The following HMCN1 variants were observed in gnomAD, a reference collection of about 807,000 sequenced individuals.
HMCN1 encodes the protein hemicentin-1.
A neutral mutation model predicts 625.9 loss-of-function variants in HMCN1; 321 were observed. The ratio of observed to expected loss-of-function variants is 0.51; its 90% CI spans 0.47 to 0.56. The LOEUF (loss-of-function observed/expected upper bound fraction) is 0.56, where lower values mean the gene tolerates loss of function less well. HMCN1 is among the 20% of genes least tolerant of loss of function. The pLI is 0.00. For missense variants in HMCN1, 6,588 were observed against 6,887.3 expected, an observed-to-expected ratio of 0.96 and a Z score of 1.54; for synonymous variants, 2,425 against 2,417.6, an observed-to-expected ratio of 1.00 and a Z score of -0.09.
chr1:186,122,166 C>T (rs1335212098), intron 80 of HMCN1, among the ~76,000 whole-genome samples: 2 of 152,182 alleles, frequency 1.3e-5, no homozygotes, highest in African/African-American at 4.8e-5. Flanking sequence ...GAGATAATTG[C>T]TTCCTCAGAG....
intron 36 of HMCN1, among the ~76,000 whole-genome samples, chr1:186,028,856 C>G (rs1655232362): frequency 6.6e-6 from 1 of 151,776 alleles, no homozygotes; most frequent in Admixed American, 6.6e-5. Flanking sequence ...TCCTGAGTAG[C>G]TGGGGTTACA....
chr1:186,129,931 T>C (rs1311475117), intron 83 of HMCN1, 35 bp from the exon 84 acceptor site: 1 of 1,611,664 alleles, frequency 6.2e-7, no homozygotes, highest in Non-Finnish European at 8.5e-7. Context: ...CCTAGGTTAC[T>C]GAGAGGCACT....
intron 4 of HMCN1, among the ~76,000 whole-genome samples, chr1:185,867,295 T>C (rs539626414): frequency 2.0e-5 from 3 of 152,266 alleles, no homozygotes; most frequent in African/African-American, 7.2e-5. Flanking sequence ...CCCTCAACAG[T>C]TGATTTGCCT....
At chr1:185,984,454 A>T in intron 19 of HMCN1, 141 bp downstream of exon 19, 1 of 908,638 alleles carries the variant, frequency 1.1e-6, no homozygotes, top group Non-Finnish European at 1.8e-6. Flanking sequence ...AACAATATCT[A>T]CATTGTTAAT....
At chr1:185,998,809 A>G (rs1296300000) in intron 25 of HMCN1, among the ~76,000 whole-genome samples, 2 of 152,082 alleles carry the variant, frequency 1.3e-5, no homozygotes, top group African/African-American at 2.4e-5. Flanking sequence ...AAGACAATGC[A>G]ATTTCTTTCT....
In HMCN1 at chr1:185,737,583, A is replaced by AT. The variant is rs150787483; in HGVS notation, c.268+2537dup. 6.6e-3 allele frequency among the ~76,000 whole-genome samples: 1,012 copies of AT among 152,352 alleles called. 8 individuals carry two copies. Among genetic ancestry groups the AT allele is most frequent in the Middle Eastern group, 0.027 (8 of 294 alleles). ...TGAATATCTCTTAAGGTCTCTTCTA[A>AT]TGTGACAGTTAATGACTCTTTTACA... On this transcript the variant is annotated intron_variant, in intron 1 of 106. Transcript: ENST00000271588.
chr1:185,858,378 T>C (rs1324640062), intron 2 of HMCN1, among the ~76,000 whole-genome samples: 1 of 151,954 alleles, frequency 6.6e-6, no homozygotes, highest in Non-Finnish European at 1.5e-5. Flanking sequence ...TATTTGGTAT[T>C]CAGGTCAAAA....
At chr1:186,165,075 A>G (rs372876876) in intron 97 of HMCN1, 36 bp from the exon 98 acceptor site, 338 of 1,592,368 alleles carry the variant, frequency 2.1e-4, no homozygotes, top group Non-Finnish European at 2.7e-4. Context: ...AACTATTCCA[A>G]TAAGCCAGTT....
At chr1:185,777,696 C>T (rs1044084761) in intron 1 of HMCN1, among the ~76,000 whole-genome samples, 18 of 152,178 alleles carry the variant, frequency 1.2e-4, no homozygotes, top group Non-Finnish European at 5.9e-5. Flanking sequence ...GTGATCCGCC[C>T]GCCTCAGCTT....
At chr1:186,157,004 T>C (rs1348695008) in intron 97 of HMCN1, among the ~76,000 whole-genome samples, 6 of 152,160 alleles carry the variant, frequency 3.9e-5, no homozygotes, top group African/African-American at 1.4e-4. Context: ...TTTACACCCA[T>C]TAAAAACACA....
chr1:186,182,371 TCTC>T, intron 105 of HMCN1, 84 bp downstream of exon 105: 1 of 1,497,462 alleles, frequency 6.7e-7, no homozygotes, highest in Non-Finnish European at 9.3e-7. Flanking sequence ...CAATAATCAT[TCTC>T]CTAGTGGCTT....
intron 105 of HMCN1, among the ~76,000 whole-genome samples, chr1:186,187,627 C>T (rs1253040592): frequency 6.6e-6 from 1 of 152,096 alleles, no homozygotes; most frequent in Non-Finnish European, 1.5e-5. Context: ...TTAATATCTC[C>T]CCATCACTTT....
chr1:186,073,895 T>C (rs561223555), intron 52 of HMCN1, among the ~76,000 whole-genome samples: 1 of 152,046 alleles, frequency 6.6e-6, no homozygotes, highest in East Asian at 1.9e-4. Context: ...TAGTTATTGG[T>C]AATTATAAGG....
chr1:186,036,272 A>G (rs770066512), intron 36 of HMCN1, among the ~76,000 whole-genome samples: 4 of 152,182 alleles, frequency 2.6e-5, no homozygotes, highest in Non-Finnish European at 5.9e-5. Context: ...CGATAAAGAC[A>G]TACCCAAGAC....
chr1:186,187,722 G>C (rs1653430505), intron 105 of HMCN1, among the ~76,000 whole-genome samples, 161 bp from the exon 106 acceptor site: 1 of 152,084 alleles, frequency 6.6e-6, no homozygotes, highest in Admixed American at 6.6e-5. Flanking sequence ...CAGGTGTCAT[G>C]ATCCCCATTT....
Position 185,881,515 on chromosome 1 carries a change from A to G in HMCN1, c.621+15652A>G, listed in dbSNP as rs371970430. On this transcript the variant is annotated intron_variant, in intron 4 of 106. Coordinates refer to ENST00000271588, the MANE Select transcript of HMCN1 (RefSeq NM_031935.3). ...GGTCTTTATAGGCACAGGACGGGGT[A>G]GGGTGGAGCCATGGGTGGTTTAGGA... Among the ~76,000 whole-genome samples the G allele has an allele frequency of 8.9e-4, 136 of 152,250 alleles. 1 individual carries two copies. Among genetic ancestry groups the G allele is most frequent in the South Asian group, 4.1e-4 (2 of 4,834 alleles).
chr1:185,806,931 T>C (rs1216749453), intron 1 of HMCN1, among the ~76,000 whole-genome samples: 2 of 152,184 alleles, frequency 1.3e-5, no homozygotes, highest in Non-Finnish European at 2.9e-5. Flanking sequence ...ATTTTTTTCT[T>C]AACATTTCAT....
chr1:185,925,114 C>T lies in HMCN1; in HGVS notation c.1353C>T (p.Cys451=), dbSNP rs1667213503. Reference sequence around the variant, plus strand: ...ATCTGCAGCCGGGCCAAATTCCCTGCTCTGTTGACAGTCTTTTGCCCTTTA... The same window carrying T: ...ATCTGCAGCCGGGCCAAATTCCCTGTTCTGTTGACAGTCTTTTGCCCTTTA... ...GYYLQPGQIP[C]SVDSLLPFTL... Residue 451 remains cysteine (C), a synonymous_variant, in exon 9 of 107, where the codon TGC becomes TGT. Transcript: ENST00000271588. 1 of 1,613,604 alleles carries T rather than the reference C, an allele frequency of 6.2e-7. No homozygotes were observed. Among genetic ancestry groups the T allele is most frequent in the African/African-American group, 1.3e-5 (1 of 74,906 alleles).
At chr1:186,041,228 A>G in intron 40 of HMCN1, 92 bp downstream of exon 40, 1 of 1,091,532 alleles carries the variant, frequency 9.2e-7, no homozygotes, top group African/African-American at 1.5e-5. Flanking sequence ...TTGACAATAA[A>G]GAACAATGAA....
Sources: allele counts gnomAD v4.1 joint callset (sites outside exome capture counted in the v4.1 genomes callset), GRCh38; gene constraint gnomAD v4.1.1; transcripts MANE v1.5; gene names NCBI Gene and HGNC (gene_info 2026-07-23, HGNC 2026-07-21).